TTC24: variants seen among roughly 807,000 people sequenced by gnomAD.
TTC24 encodes tetratricopeptide repeat protein 24.
Under a neutral mutation model 63.3 loss-of-function variants are expected in TTC24, and 54 were observed. The ratio of observed to expected loss-of-function variants is 0.85; its 90% CI spans 0.69 to 1.07. TTC24 has a LOEUF of 1.07. Among genes scored for constraint, TTC24 ranks in the 50% least tolerant of loss-of-function variants. The pLI, the probability that TTC24 is intolerant of heterozygous loss-of-function variation, is 0.00. For missense variants in TTC24, 680 were observed against 730.5 expected (o/e 0.93, Z 0.80); for synonymous variants, 276 against 304.3 (o/e 0.91, Z 0.97).
In TTC24 at chr1:156,584,923, C is replaced by T. The variant is rs373452619; in HGVS notation, c.1298C>T (p.Ala433Val). 1.7e-5 allele frequency: 28 copies of T among 1,603,104 alleles called. No homozygotes were observed. In the Admixed American group the frequency reaches 2.2e-4, roughly 13 times the overall value. Residue 433 changes from alanine (A) to valine (V), a missense_variant, in exon 7 of 11, where the codon GCG becomes GTG. Ala to Val is a moderately conservative substitution (Grantham distance 64). Transcript: ENST00000368236. ...CAGGCTCCAGGTGGGGCCAGCCAGG[C>T]GGAGGGGACCCCAGCAAAGGCAGGA... Reference protein sequence around the residue: ...RLQAPGGASQAEGTPAKAGSS... With the variant: ...RLQAPGGASQVEGTPAKAGSS...
Position 156,582,274 on chromosome 1 carries a change from G to T in TTC24, c.750G>T (p.Gln250His). The change falls in exon 3 of 11, where the codon CAG (glutamine) becomes CAT (histidine). Residue 250 changes from glutamine to histidine, a missense_variant. Transcript: ENST00000368236. ...TAGGCCTGGGCTACTCCCAGCTCCA[G>T]CTGTTCCCGCTGGCCGTGGAGGCCT... is the stretch of plus-strand genomic sequence containing the variant. ...NDLGLGYSQLQLFPLAVEAFL... is the reference protein window; with the variant it reads ...NDLGLGYSQLHLFPLAVEAFL... The T allele has an allele frequency of 6.4e-7, 1 of 1,557,578 alleles. No individual in the cohort carries two copies. Among genetic ancestry groups the T allele is most frequent in the Non-Finnish European group, 8.7e-7 (1 of 1,150,772 alleles).
In TTC24 at chr1:156,583,323, C is replaced by T. The variant is rs752488185; in HGVS notation, c.1040-15C>T. ...GGAAGTCATGAAAGGACCTTCCAGG[C>T]TCTCTTTCTCTCAGGGGACATGAAG... On this transcript the variant is annotated splice_polypyrimidine_tract_variant and intron_variant, in intron 4 of 10. Transcript: ENST00000368236. The surrounding 1 kb of genome is among the most constrained non-coding windows in gnomAD (Gnocchi z 4.0). The T allele has an allele frequency of 3.7e-6, 6 of 1,611,836 alleles. No homozygotes were observed. Among genetic ancestry groups the T allele is most frequent in the Non-Finnish European group, 5.1e-6 (6 of 1,178,870 alleles).
In TTC24 at chr1:156,582,309, C is replaced by T. The variant is rs537632674; in HGVS notation, c.785C>T (p.Ala262Val). ...FPLAVEAFLQ[A>V]LPLCWVPGEQ... ...CTGGCCGTGGAGGCCTTCCTGCAGG[C>T]CCTGCCCCTGTGCTGGGTGCCAGGA... Residue 262 changes from alanine (A) to valine (V), a missense_variant, in exon 3 of 11, where the codon GCC (alanine) becomes GTC (valine). Coordinates refer to ENST00000368236, the MANE Select transcript of TTC24 (RefSeq NM_001105669.4). The T allele has an allele frequency of 3.5e-5, 56 of 1,588,730 alleles. 1 individual carries two copies. The East Asian group carries it at 8.5e-4, about 24-fold the overall frequency.
rs1676988411 is a variant in TTC24 at position 156,581,450 on chromosome 1, G to T, written c.86G>T (p.Trp29Leu). ...SSNKKKKKRK[W>L]LRQEASIQAL... ...AATAAGAAAAAGAAGAAAAGAAAGT[G>T]GCTGCGGCAAGAAGCCAGCATCCAA... The change falls in exon 2 of 11, where the codon TGG becomes TTG. Residue 29 changes from tryptophan to leucine, a missense_variant. Trp to Leu is a moderately conservative substitution (Grantham distance 61). Transcript: ENST00000368236. 2 of 1,550,064 alleles carry T rather than the reference G, an allele frequency of 1.3e-6. No homozygotes were observed. The highest frequency in any genetic ancestry group is 2.4e-5 in the South Asian group (2 of 83,898).
intron 8 of TTC24, 49 bp downstream of exon 8, chr1:156,585,280 A>C: frequency 6.9e-7 from 1 of 1,457,062 alleles, no homozygotes; most frequent in Non-Finnish European, 9.4e-7. Flanking sequence ...TACTGCAAAT[A>C]TGGCACTCCC....
rs1263562082 is a variant in TTC24, at chr1:156,585,197, C to T, written c.1422C>T (p.Asn474=). 2 of 1,613,350 alleles carry T rather than the reference C, an allele frequency of 1.2e-6. No homozygotes were observed. ...AGAAAAAAGAGGAGAGGTCGGCAAA[C>T]GTTCCGGTGAGGGCTGGGCCGGGAA... The part of the protein sequence containing the change: ...HQKKKEERSA[N]VPVRAGPGRP... Residue 474 remains asparagine, a synonymous_variant, in exon 8 of 11, where the codon AAC becomes AAT. Coordinates refer to ENST00000368236, the MANE Select transcript of TTC24 (RefSeq NM_001105669.4).
At position 156,586,904 on chromosome 1, in the gene TTC24, G is replaced by A. The variant is rs2102482400; in HGVS notation, c.*354G>A. The A allele has an allele frequency of 1.5e-5, 3 of 201,512 alleles. No individual in the cohort carries two copies. The highest frequency in any genetic ancestry group is 1.1e-4 in the East Asian group (1 of 8,850). The allele number at this position is 201,512 out of a possible 1,614,324, so 12.5% of individuals were successfully genotyped here. On this transcript the variant is annotated 3_prime_UTR_variant, in exon 11 of 11. Transcript: ENST00000368236. ...TTGGAGTCACTGACTGTCTCCAGACGTCCATTTTTGCACATGAGAAATGAG... is the reference window on the plus strand; with the variant it reads ...TTGGAGTCACTGACTGTCTCCAGACATCCATTTTTGCACATGAGAAATGAG...
rs994193589 is a variant in TTC24 at position 156,583,261 on chromosome 1, G to A, written c.1040-77G>A. 3.0e-5 allele frequency: 49 copies of A among 1,609,042 alleles called. No individual in the cohort carries two copies. The African/African-American group carries it at 4.4e-4, about 15-fold the overall frequency. Reference sequence around the variant, plus strand: ...GGGAGGCAGATGGGGGGAACTGAGGGTAGGGAGTGCCTCTGAGGGGGTGGA... The same window carrying A: ...GGGAGGCAGATGGGGGGAACTGAGGATAGGGAGTGCCTCTGAGGGGGTGGA... On this transcript the variant is annotated intron_variant, in intron 4 of 10. Coordinates refer to ENST00000368236, the MANE Select transcript of TTC24 (RefSeq NM_001105669.4). This position sits in a 1 kb window ranked among gnomAD's most constrained non-coding sequence, Gnocchi z 4.0.
intron 6 of TTC24, among the ~76,000 whole-genome samples, chr1:156,584,147 C>A (rs895895527): frequency 1.3e-5 from 2 of 152,148 alleles, no homozygotes; most frequent in African/African-American, 4.8e-5. Context: ...TTAAAAGAAT[C>A]GGTAGGCCAT....
Position 156,583,653 on chromosome 1 carries a change from T to C in TTC24, c.1153-144T>C. On this transcript the variant is annotated intron_variant, in intron 5 of 10. Coordinates refer to ENST00000368236, the MANE Select transcript of TTC24 (RefSeq NM_001105669.4). The surrounding 1 kb of genome is among the most constrained non-coding windows in gnomAD (Gnocchi z 4.0). ...TTCTGGGCAGGTGGTGGCAGGACCC[T>C]GGGAAAGGCATGGGGATGGGGTAGA... is the stretch of plus-strand genomic sequence containing the variant. The C allele has an allele frequency of 3.3e-6, 3 of 920,154 alleles. No homozygotes were observed. The highest frequency in any genetic ancestry group is 3.2e-5 in the South Asian group (2 of 62,176). The allele number at this position is 920,154 out of a possible 1,614,324, so 57.0% of individuals were successfully genotyped here.
At chr1:156,582,136 G>A in intron 2 of TTC24, 66 bp downstream of exon 2, 2 of 1,462,904 alleles carry the variant, frequency 1.4e-6, no homozygotes, top group Admixed American at 2.7e-5. Flanking sequence ...TACTCAGAGG[G>A]CTGGGTTTGG....
chr1:156,583,999 G>T lies in TTC24; in HGVS notation c.1251+104G>T, dbSNP rs1018460699. The T allele has an allele frequency of 2.1e-6, 2 of 963,024 alleles. No homozygotes were observed. The highest frequency in any genetic ancestry group is 2.9e-5 in the South Asian group (2 of 68,362). 59.7% of individuals were successfully genotyped at this position (963,024 alleles called of 1,614,324 possible). On this transcript the variant is annotated intron_variant, in intron 6 of 10. Coordinates refer to ENST00000368236, the MANE Select transcript of TTC24 (RefSeq NM_001105669.4). This position sits in a 1 kb window ranked among gnomAD's most constrained non-coding sequence, Gnocchi z 4.0. The stretch of plus-strand genomic sequence containing the variant: ...TGTTCCCTGGGATGCTGCGCGCTTG[G>T]CCGCTCATCTGTGTTCATCCGCCTT...
Position 156,586,798 on chromosome 1 carries a change from A to C in TTC24, c.*248A>C. Reference sequence around the variant, plus strand: ...AAGAAAAAAGGAAAATGGATGGCAAATTCCCTGTCTTTCTGAATCCAAATC... The same window carrying C: ...AAGAAAAAAGGAAAATGGATGGCAACTTCCCTGTCTTTCTGAATCCAAATC... On this transcript the variant is annotated 3_prime_UTR_variant, in exon 11 of 11. Transcript: ENST00000368236. The C allele has an allele frequency of 2.7e-6, 1 of 368,368 alleles. No individual in the cohort carries two copies. 22.8% of individuals were successfully genotyped at this position (368,368 alleles called of 1,614,324 possible).
At chr1:156,582,165 A>G in intron 2 of TTC24, 66 bp from the exon 3 acceptor site, 2 of 1,479,402 alleles carry the variant, frequency 1.4e-6, no homozygotes, top group Non-Finnish European at 1.8e-6. Flanking sequence ...GGAGGAGTCG[A>G]TAGGGGCTGT....
Position 156,583,976 on chromosome 1 carries a change from T to C in TTC24, c.1251+81T>C, listed in dbSNP as rs61451822. 5.7e-3 allele frequency: 6,580 copies of C among 1,154,228 alleles called. 275 individuals are homozygous for C. In the African/African-American group the frequency reaches 0.086, roughly 15 times the overall value. 71.5% of individuals were successfully genotyped at this position (1,154,228 alleles called of 1,614,324 possible). A position where few individuals can be genotyped will look rare whatever the true frequency, so the allele number is the denominator to read the frequency against. The stretch of plus-strand genomic sequence containing the variant: ...GGGTTGGTGGTAAGCAGAGACGCTG[T>C]TCCCTGGGATGCTGCGCGCTTGGCC... On this transcript the variant is annotated intron_variant, in intron 6 of 10. Transcript: ENST00000368236. The surrounding 1 kb of genome is among the most constrained non-coding windows in gnomAD (Gnocchi z 4.0).
Position 156,583,750 on chromosome 1 carries a change from T to A in TTC24, c.1153-47T>A, listed in dbSNP as rs749723779. ...TTCTTCCCCAACCCCCAGAGGACCA[T>A]AAGGTCCAGGCATTCCCCATTACCC... On this transcript the variant is annotated intron_variant, in intron 5 of 10. Coordinates refer to ENST00000368236, the MANE Select transcript of TTC24 (RefSeq NM_001105669.4). The surrounding 1 kb of genome is among the most constrained non-coding windows in gnomAD (Gnocchi z 4.0). The A allele has an allele frequency of 1.2e-4, 96 of 797,678 alleles. No homozygotes were observed. Among genetic ancestry groups the A allele is most frequent in the Non-Finnish European group, 1.8e-4 (94 of 511,946 alleles). The allele number at this position is 797,678 out of a possible 1,614,324, so 49.4% of individuals were successfully genotyped here. A position where few individuals can be genotyped will look rare whatever the true frequency, so the allele number is the denominator to read the frequency against.
At chr1:156,585,320 G>C (rs575358218) in intron 8 of TTC24, 89 bp downstream of exon 8, 29 of 972,368 alleles carry the variant, frequency 3.0e-5, no homozygotes, top group African/African-American at 2.9e-4. Context: ...CGCTTCTTAT[G>C]CCCATCCCAC....
In TTC24 at chr1:156,585,777, C is replaced by A. The variant is rs1188800229; in HGVS notation, c.1521C>A (p.Thr507=). ...TAGCTTCTAGTTGCCCCACGTTTAC[C>A]AAGCACACGCCCTGCAGAGGGACAG... ...HHLASSCPTF[T]KHTPCRGTVL... The change falls in exon 9 of 11, where the codon ACC becomes ACA. Residue 507 remains threonine, a synonymous_variant. Transcript: ENST00000368236. The A allele has an allele frequency of 4.3e-6, 7 of 1,613,956 alleles. No homozygotes were observed. The South Asian group carries it at 7.7e-5, about 18-fold the overall frequency.
In TTC24 at chr1:156,585,179, AGAG is replaced by A; in HGVS notation, c.1408_1410del (p.Glu470del). The A allele has an allele frequency of 2.5e-6, 4 of 1,613,550 alleles. No homozygotes were observed. Among genetic ancestry groups the A allele is most frequent in the Non-Finnish European group, 2.5e-6 (3 of 1,179,712 alleles). On this transcript the variant is annotated inframe_deletion, in exon 8 of 11. Coordinates refer to ENST00000368236, the MANE Select transcript of TTC24 (RefSeq NM_001105669.4). ...TTGAGGAGGGCCACCAGAAGAAAAAAGAGGAGAGGTCGGCAAACGTTCCGGTGA... is the reference window on the plus strand; with the variant it reads ...TTGAGGAGGGCCACCAGAAGAAAAAAGAGAGGTCGGCAAACGTTCCGGTGA...
Sources: allele counts gnomAD v4.1 joint callset (sites outside exome capture counted in the v4.1 genomes callset), GRCh38; gene constraint gnomAD v4.1.1; non-coding constraint Gnocchi (gnomAD v3.1); transcripts MANE v1.5; gene names NCBI Gene and HGNC (gene_info 2026-07-23, HGNC 2026-07-21).